Variants in AGO4 observed in about 807,000 individuals in gnomAD.
AGO4 encodes the protein protein argonaute-4.
A neutral mutation model predicts 104.7 loss-of-function variants in AGO4; 33 were observed. The observed-to-expected ratio is 0.32, with a 90% confidence interval of 0.24 to 0.42. The LOEUF is 0.42. Among genes scored for constraint, AGO4 ranks in the 10% least tolerant of loss-of-function variants. AGO4 has a pLI of 1.00. For synonymous variants in AGO4, 331 were observed against 364.7 expected (o/e 0.91, Z 1.05); for missense variants, 711 against 1,083.4 (o/e 0.66, Z 4.83).
At position 35,841,814 on chromosome 1, in the gene AGO4, AT is replaced by A. The variant is rs1644452394; in HGVS notation, c.2175+65del. On this transcript the variant is annotated intron_variant, in intron 15 of 17. Coordinates refer to ENST00000373210, the MANE Select transcript of AGO4 (RefSeq NM_017629.4). The surrounding 1 kb of genome is among the most constrained non-coding windows in gnomAD (Gnocchi z 4.7). Reference sequence around the variant, plus strand: ...TGGCAAGAGATGTATATATGCACATATATATATATATATATATATATATACA... The same window carrying A: ...TGGCAAGAGATGTATATATGCACATAATATATATATATATATATATATACA... 12 of 139,690 alleles carry A rather than the reference AT, an allele frequency of 8.6e-5. No individual in the cohort carries two copies. The highest frequency in any genetic ancestry group is 9.2e-5 in the Non-Finnish European group (11 of 120,100). 8.7% of individuals were successfully genotyped at this position (139,690 alleles called of 1,614,324 possible).
intron 7 of AGO4, among the ~76,000 whole-genome samples, chr1:35,827,045 C>G (rs1428888149): frequency 1.3e-5 from 2 of 151,024 alleles, no homozygotes; most frequent in Non-Finnish European, 3.0e-5. Flanking sequence ...ACTAAAAATA[C>G]AAGAAAACTA....
chr1:35,839,510 T>C (rs1018236323), intron 13 of AGO4, among the ~76,000 whole-genome samples: 50 of 152,306 alleles, frequency 3.3e-4, no homozygotes, highest in African/African-American at 1.2e-3. Context: ...ATTTTTTATC[T>C]GGAAAAATTG....
At chr1:35,830,609 G>A (rs1373301143) in intron 7 of AGO4, among the ~76,000 whole-genome samples, 1 of 152,064 alleles carries the variant, frequency 6.6e-6, no homozygotes, top group Non-Finnish European at 1.5e-5. Context: ...AACCAACATG[G>A]AAAATTTCAA....
At chr1:35,827,281 A>AG (rs1644046971) in intron 7 of AGO4, among the ~76,000 whole-genome samples, 1 of 152,098 alleles carries the variant, frequency 6.6e-6, no homozygotes, top group African/African-American at 2.4e-5. Context: ...GCACTTTGGG[A>AG]GGCCGAGCCA....
At chr1:35,831,973 G>A in intron 9 of AGO4, 42 bp downstream of exon 9, 1 of 1,605,530 alleles carries the variant, frequency 6.2e-7, no homozygotes, top group Non-Finnish European at 8.5e-7. Context: ...GCTTTGAGAT[G>A]ACAAAAAACA....
At chr1:35,843,219 C>T (rs879944870) in intron 15 of AGO4, among the ~76,000 whole-genome samples, 1 of 152,120 alleles carries the variant, frequency 6.6e-6, no homozygotes, top group Non-Finnish European at 1.5e-5. Context: ...GCGCCCACCA[C>T]CATGCCCAGC....
Position 35,825,692 on chromosome 1 carries a change from G to A in AGO4, c.502G>A (p.Gly168Ser). The change falls in exon 5 of 18, where the codon GGC becomes AGC. Residue 168 changes from glycine (G) to serine (S), a missense_variant. By Grantham distance (56) the Gly-to-Ser change is moderately conservative. Transcript: ENST00000373210. The stretch of plus-strand genomic sequence containing the variant: ...TTATTTCTTCAGGTACACCCCAGTG[G>A]GCCGTTCCTTTTTCTCACCCCCGGA... Reference protein sequence around the residue: ...HLPSMRYTPVGRSFFSPPEGY... With the variant: ...HLPSMRYTPVSRSFFSPPEGY... 6.4e-7 allele frequency: 1 copy of A among 1,558,938 alleles called. No individual in the cohort carries two copies. The highest frequency in any genetic ancestry group is 8.6e-7 in the Non-Finnish European group (1 of 1,158,624).
At chr1:35,845,019 A>G (rs1408722306) in intron 15 of AGO4, among the ~76,000 whole-genome samples, 6 of 152,002 alleles carry the variant, frequency 3.9e-5, no homozygotes, top group Non-Finnish European at 8.8e-5. Context: ...TCAGATTCCC[A>G]CACTGACTTC....
intron 2 of AGO4, among the ~76,000 whole-genome samples, chr1:35,821,283 C>T (rs1643881531): frequency 6.6e-6 from 1 of 152,170 alleles, no homozygotes; most frequent in Non-Finnish European, 1.5e-5. Context: ...TACCACGTCT[C>T]TCCATCAATT....
chr1:35,812,867 C>A (rs1643554816), intron 1 of AGO4, among the ~76,000 whole-genome samples: 1 of 151,884 alleles, frequency 6.6e-6, no homozygotes, highest in African/African-American at 2.4e-5. Context: ...GCTGGGATTA[C>A]AGGCATGAGC....
chr1:35,834,827 C>G (rs994562935), intron 12 of AGO4, among the ~76,000 whole-genome samples: 1 of 151,858 alleles, frequency 6.6e-6, no homozygotes, highest in Non-Finnish European at 1.5e-5. Flanking sequence ...TCTCGAGTAG[C>G]TGGGAATACA....
Position 35,848,860 on chromosome 1 carries a change from AT to A in AGO4, c.2176-1296del, listed in dbSNP as rs1644635116. On this transcript the variant is annotated intron_variant, in intron 15 of 17. Coordinates refer to ENST00000373210, the MANE Select transcript of AGO4 (RefSeq NM_017629.4). ...AAGAACACACTTTGGGGAAAAAAAA[AT>A]GCTAGAACCAACTAGATTTCTTCTG... is the stretch of plus-strand genomic sequence containing the variant. Among the ~76,000 whole-genome samples the A allele has an allele frequency of 3.3e-5, 5 of 152,210 alleles. No individual in the cohort carries two copies. The South Asian group carries it at 1.0e-3, about 31-fold the overall frequency.
rs568250238 is a variant in AGO4 at position 35,837,887 on chromosome 1, G to A, written c.1724+1894G>A. Among the ~76,000 whole-genome samples the A allele has an allele frequency of 8.0e-4, 122 of 151,606 alleles. 1 individual carries two copies. The highest frequency in any genetic ancestry group is 2.9e-3 in the African/African-American group (121 of 41,338). On this transcript the variant is annotated intron_variant, in intron 13 of 17. Coordinates refer to ENST00000373210, the MANE Select transcript of AGO4 (RefSeq NM_017629.4). ...CACTCTCCTAAATTGTGGGTTTTCT[G>A]TTTTTTTCTTTTTAAGACAAGGTCT... is the stretch of plus-strand genomic sequence containing the variant.
chr1:35,820,631 A>G (rs1296499460), intron 2 of AGO4, among the ~76,000 whole-genome samples: 2 of 152,076 alleles, frequency 1.3e-5, no homozygotes, highest in South Asian at 2.1e-4. Context: ...TGCTGGGATT[A>G]TAAGCATGAG....
chr1:35,832,815 T>G (rs372084207), intron 11 of AGO4, among the ~76,000 whole-genome samples: 29 of 152,338 alleles, frequency 1.9e-4, no homozygotes, highest in African/African-American at 6.7e-4. Flanking sequence ...CAATGTTGGT[T>G]GGCAAATTCT....
rs781207969 is a variant in AGO4, at chr1:35,835,891, T to G, written c.1622T>G (p.Val541Gly). Residue 541 changes from valine (V) to glycine (G), a missense_variant, in exon 13 of 18, where the codon GTA (valine) becomes GGA (glycine). This residue lies in a region of AGO4 where 401 missense variants were observed against 665.5 expected (regional missense o/e 0.60). Transcript: ENST00000373210. ...GGTATGGCCACACAGTGTGTCCAGG[T>G]AAAAAATGTAGTGAAGACCTCACCT... is the stretch of plus-strand genomic sequence containing the variant. ...LLGMATQCVQ[V>G]KNVVKTSPQT... 1.9e-6 allele frequency: 3 copies of G among 1,613,960 alleles called. No individual in the cohort carries two copies. The highest frequency in any genetic ancestry group is 2.5e-6 in the Non-Finnish European group (3 of 1,179,932).
Position 35,847,742 on chromosome 1 carries a change from A to G in AGO4, c.2176-2415A>G, listed in dbSNP as rs148212159. ...TTTCTAGGTTGCTTTAGTACCGAATACAGTGTAAATGCTATGTTTTATTGT... is the reference window on the plus strand; with the variant it reads ...TTTCTAGGTTGCTTTAGTACCGAATGCAGTGTAAATGCTATGTTTTATTGT... On this transcript the variant is annotated intron_variant, in intron 15 of 17. Transcript: ENST00000373210. Among the ~76,000 whole-genome samples the G allele has an allele frequency of 3.3e-3, 501 of 152,308 alleles. 10 individuals are homozygous for G. The highest frequency in any genetic ancestry group is 9.6e-4 in the East Asian group (5 of 5,194).
Position 35,825,742 on chromosome 1 carries a change from G to C in AGO4, c.552G>C (p.Gly184=), listed in dbSNP as rs1644004008. The change falls in exon 5 of 18, where the codon GGG becomes GGC. Residue 184 remains glycine (G), a synonymous_variant. Coordinates refer to ENST00000373210, the MANE Select transcript of AGO4 (RefSeq NM_017629.4). Reference sequence around the variant, plus strand: ...AAGGTTACTACCACCCTCTGGGAGGGGGCAGGGAGGTCTGGTTTGGTTTTC... The same window carrying C: ...AAGGTTACTACCACCCTCTGGGAGGCGGCAGGGAGGTCTGGTTTGGTTTTC... ...PPEGYYHPLG[G]GREVWFGFHQ... The C allele has an allele frequency of 1.3e-6, 2 of 1,597,458 alleles. No homozygotes were observed. The highest frequency in any genetic ancestry group is 1.4e-5 in the African/African-American group (1 of 73,940).
At chr1:35,840,934 C>A (rs1319102185) in intron 13 of AGO4, among the ~76,000 whole-genome samples, 4 of 152,140 alleles carry the variant, frequency 2.6e-5, no homozygotes, top group African/African-American at 9.7e-5. Context: ...TTTTTTAAAT[C>A]TTCTCTTCCT....
Sources: gnomAD v4.1 joint callset for allele counts (sites outside exome capture counted in the v4.1 genomes callset) on GRCh38, gnomAD v4.1.1 for gene constraint, gnomAD v4.1.1 regional missense constraint, Gnocchi (gnomAD v3.1) non-coding constraint, MANE v1.5 for transcripts, NCBI Gene and HGNC (gene_info 2026-07-23, HGNC 2026-07-21) for gene names.